The following ARHGAP39 variants were observed in gnomAD, a reference collection of about 807,000 sequenced individuals.
ARHGAP39 encodes rho GTPase-activating protein 39.
A neutral mutation model predicts 106.9 loss-of-function variants in ARHGAP39; 44 were observed. The observed-to-expected ratio is 0.41, with a 90% CI of 0.32 to 0.53. The LOEUF is 0.53. ARHGAP39 is among the 20% of genes least tolerant of loss of function. The pLI, the probability that ARHGAP39 is intolerant of heterozygous loss-of-function variation, is 0.21. For synonymous variants in ARHGAP39, 768 were observed against 693.2 expected (o/e 1.11, Z -1.69); for missense variants, 1,496 against 1,577.3 (o/e 0.95, Z 0.87).
At chr8:144,649,919 C>T (rs751863357) in intron 1 of ARHGAP39, among the ~76,000 whole-genome samples, 3 of 152,044 alleles carry the variant, frequency 2.0e-5, no homozygotes, top group African/African-American at 7.2e-5. Context: ...CCAAGGTAGG[C>T]GGATCACAAG....
intron 1 of ARHGAP39, among the ~76,000 whole-genome samples, chr8:144,658,475 A>G (rs926985934): frequency 1.3e-5 from 2 of 152,172 alleles, no homozygotes; most frequent in Non-Finnish European, 2.9e-5. Flanking sequence ...GGATTTCTCC[A>G]TGTTGGTCAG....
Position 144,671,991 on chromosome 8 carries a change from C to T in ARHGAP39, c.-82+13695G>A, listed in dbSNP as rs1319732082. Among the ~76,000 whole-genome samples the T allele has an allele frequency of 6.6e-6, 1 of 152,246 alleles. No individual in the cohort carries two copies. Among genetic ancestry groups the T allele is most frequent in the Non-Finnish European group, 1.5e-5 (1 of 68,042 alleles). On this transcript the variant is annotated intron_variant, in intron 1 of 11. Coordinates refer to ENST00000377307, the MANE Select transcript of ARHGAP39 (RefSeq NM_025251.3). This position sits in a 1 kb window ranked among gnomAD's most constrained non-coding sequence, Gnocchi z 4.5. ...TGAGGCTCATCCTGGGCCCCAGTGG[C>T]CTTGGGCAGAAAGCCCCACACTGTT...
intron 2 of ARHGAP39, among the ~76,000 whole-genome samples, chr8:144,600,408 A>G (rs1454567838): frequency 7.7e-6 from 1 of 129,136 alleles, no homozygotes; most frequent in African/African-American, 3.1e-5. Flanking sequence ...GTGTGTGTGC[A>G]CTTGTGTACC....
chr8:144,657,355 G>A (rs1272177051), intron 1 of ARHGAP39, among the ~76,000 whole-genome samples: 4 of 152,190 alleles, frequency 2.6e-5, no homozygotes. Flanking sequence ...AGCAACTCAG[G>A]AGGCTGAGGC....
intron 1 of ARHGAP39, among the ~76,000 whole-genome samples, chr8:144,606,343 C>A (rs1820290851): frequency 6.6e-6 from 1 of 152,200 alleles, no homozygotes; most frequent in Non-Finnish European, 1.5e-5. Context: ...GACAGCACAA[C>A]CAACCCCCTT....
intron 2 of ARHGAP39, among the ~76,000 whole-genome samples, chr8:144,587,307 AGAGGCTAC>A (rs1464399934): frequency 9.9e-5 from 15 of 152,248 alleles, no homozygotes; most frequent in South Asian, 2.1e-4. Flanking sequence ...AGAGAAGGAA[AGAGGCTAC>A]AGCAGCTCCT....
chr8:144,580,942 G>C lies in ARHGAP39; in HGVS notation c.416C>G (p.Ser139Cys), dbSNP rs778629749. The C allele has an allele frequency of 1.9e-6, 3 of 1,605,460 alleles. No individual in the cohort carries two copies. The highest frequency in any genetic ancestry group is 1.1e-5 in the South Asian group (1 of 90,308). Reference sequence around the variant, plus strand: ...CTCAGTGTCGGGCTCGGGCTCCAGGGAGGAGCTGGTGCTGCCCTCACGGCT... The same window carrying C: ...CTCAGTGTCGGGCTCGGGCTCCAGGCAGGAGCTGGTGCTGCCCTCACGGCT... The part of the protein sequence containing the change: ...SVSREGSTSS[S>C]LEPEPDTEKA... Residue 139 changes from serine to cysteine, a missense_variant, in exon 3 of 12, where the codon TCC becomes TGC. Coordinates refer to ENST00000377307, the MANE Select transcript of ARHGAP39 (RefSeq NM_025251.3).
intron 3 of ARHGAP39, among the ~76,000 whole-genome samples, chr8:144,575,231 A>G (rs1170301969): frequency 6.6e-6 from 1 of 151,944 alleles, no homozygotes; most frequent in Non-Finnish European, 1.5e-5. Context: ...ACTGCACACA[A>G]CTCCTAACTT....
chr8:144,578,051 G>A (rs1417713608), intron 3 of ARHGAP39, among the ~76,000 whole-genome samples: 2 of 152,080 alleles, frequency 1.3e-5, no homozygotes, highest in East Asian at 1.9e-4. Flanking sequence ...GGAATTGCAA[G>A]GTGCTCCAAA....
At chr8:144,603,052 T>A (rs1271704323) in intron 2 of ARHGAP39, among the ~76,000 whole-genome samples, 11 of 129,792 alleles carry the variant, frequency 8.5e-5, no homozygotes, top group African/African-American at 3.3e-4. Context: ...GGCGTGTGTG[T>A]GAGCTCGTGT....
chr8:144,619,775 A>C (rs1433599232), intron 1 of ARHGAP39, among the ~76,000 whole-genome samples: 1 of 132,170 alleles, frequency 7.6e-6, no homozygotes, highest in Non-Finnish European at 1.6e-5. Flanking sequence ...CGTGTGTGTG[A>C]GCCTGTGTCC....
intron 6 of ARHGAP39, among the ~76,000 whole-genome samples, chr8:144,542,610 C>A (rs1041162626): frequency 6.6e-6 from 1 of 151,972 alleles, no homozygotes; most frequent in Non-Finnish European, 1.5e-5. Context: ...GCTTTTCTTT[C>A]TTTCTTTTTC....
chr8:144,649,241 G>T (rs1361624674), intron 1 of ARHGAP39, among the ~76,000 whole-genome samples: 1 of 151,162 alleles, frequency 6.6e-6, no homozygotes, highest in Non-Finnish European at 1.5e-5. Flanking sequence ...AGGGGATCAA[G>T]ACCATCCTGG....
In ARHGAP39 at chr8:144,638,374, T is replaced by C. The variant is rs139292072; in HGVS notation, c.-81-32679A>G. Reference sequence around the variant, plus strand: ...CTGTTTAAAATATACTGCGTTTCCATTACCTAGGGACTCAAATCTTTCATC... The same window carrying C: ...CTGTTTAAAATATACTGCGTTTCCACTACCTAGGGACTCAAATCTTTCATC... On this transcript the variant is annotated intron_variant, in intron 1 of 11. Transcript: ENST00000377307. 7.9e-3 allele frequency among the ~76,000 whole-genome samples: 1,196 copies of C among 152,336 alleles called. 14 individuals are homozygous for C. Among genetic ancestry groups the C allele is most frequent in the Admixed American group, 9.0e-3 (138 of 15,306 alleles).
chr8:144,570,683 G>A (rs1456336087), intron 3 of ARHGAP39, among the ~76,000 whole-genome samples: 1 of 152,068 alleles, frequency 6.6e-6, no homozygotes, highest in East Asian at 1.9e-4. Context: ...AATGGAGACA[G>A]CAGGTAGAAA....
chr8:144,577,085 C>T (rs113651567), intron 3 of ARHGAP39, among the ~76,000 whole-genome samples: 4,063 of 152,288 alleles, frequency 0.027, 179 homozygotes, highest in African/African-American at 0.093. Context: ...AATTCTGTAC[C>T]TTTCAGTATC....
intron 1 of ARHGAP39, among the ~76,000 whole-genome samples, chr8:144,609,122 C>G (rs558052079): frequency 5.6e-4 from 85 of 152,286 alleles, no homozygotes; most frequent in African/African-American, 1.9e-3. Context: ...ATGTGCCTTC[C>G]TCCTAATCTC....
the ARHGAP39 span, among the ~76,000 whole-genome samples, chr8:144,693,665 G>T: frequency 6.6e-6 from 1 of 152,152 alleles, no homozygotes; most frequent in Non-Finnish European, 1.5e-5. Flanking sequence ...GAGCCACCGC[G>T]CCCAGCCGCC....
At chr8:144,602,746 G>A (rs1250907329) in intron 2 of ARHGAP39, among the ~76,000 whole-genome samples, 5 of 146,160 alleles carry the variant, frequency 3.4e-5, no homozygotes, top group African/African-American at 2.6e-5. Context: ...GCATGGAGGC[G>A]TGTGTGTGAG....
Sources: gnomAD v4.1 joint callset for allele counts (sites outside exome capture counted in the v4.1 genomes callset) on GRCh38, gnomAD v4.1.1 for gene constraint, Gnocchi (gnomAD v3.1) non-coding constraint, MANE v1.5 for transcripts, NCBI Gene and HGNC (gene_info 2026-07-23, HGNC 2026-07-21) for gene names.